SLC38A11: variants seen among roughly 807,000 people sequenced by gnomAD.
The protein encoded by SLC38A11 is solute carrier family 38 member 11.
In SLC38A11, 51 loss-of-function variants were observed where a neutral mutation model predicts 49.4. The observed-to-expected ratio is 1.03, with a 90% CI of 0.83 to 1.30. The LOEUF is 1.30. Ranked by LOEUF, SLC38A11 falls within the 50% of genes most tolerant of loss-of-function variation. The pLI is 0.00. For missense variants in SLC38A11, 574 were observed against 556.2 expected (o/e 1.03, Z -0.32); for synonymous variants, 203 against 192.9 (o/e 1.05, Z -0.43).
intron 11 of SLC38A11, among the ~76,000 whole-genome samples, chr2:164,904,698 A>G (rs1684878702): frequency 6.6e-6 from 1 of 152,158 alleles, no homozygotes; most frequent in Admixed American, 6.5e-5. Context: ...TTAAGACAAA[A>G]ACTTTTCAGT....
In SLC38A11 at chr2:164,955,441, T is replaced by A; in HGVS notation, c.-194A>T. On this transcript the variant is annotated 5_prime_UTR_variant, in exon 1 of 12. Transcript: ENST00000685975. ...CTGCAGCCCCAAGATCTCTAGGCTG[T>A]GGCAGCCTGGGGCGCTTTTCCACCG... 1.8e-6 allele frequency: 1 copy of A among 565,168 alleles called. No individual in the cohort carries two copies. The highest frequency in any genetic ancestry group is 3.2e-6 in the Non-Finnish European group (1 of 317,312). 35.0% of individuals were successfully genotyped at this position (565,168 alleles called of 1,614,324 possible). A position where few individuals can be genotyped will look rare whatever the true frequency, so the allele number is the denominator to read the frequency against.
At chr2:164,940,228 TTATATATATATATA>T in intron 5 of SLC38A11, among the ~76,000 whole-genome samples, 1 of 142,222 alleles carries the variant, frequency 7.0e-6, no homozygotes, top group East Asian at 2.0e-4. Context: ...ATAGAAAATT[TTATATATATATATA>T]TATATATATA....
intron 11 of SLC38A11, among the ~76,000 whole-genome samples, chr2:164,902,108 A>G (rs1684693546): frequency 1.4e-5 from 2 of 146,928 alleles, no homozygotes; most frequent in African/African-American, 5.0e-5. Context: ...ATCACAGTTC[A>G]GCTTTGATCT....
At chr2:164,907,582 C>T (rs1429017786) in intron 11 of SLC38A11, among the ~76,000 whole-genome samples, 1 of 152,096 alleles carries the variant, frequency 6.6e-6, no homozygotes, top group Non-Finnish European at 1.5e-5. Context: ...TCTTCATCAC[C>T]TATATTGCAG....
intron 2 of SLC38A11, among the ~76,000 whole-genome samples, 160 bp downstream of exon 2, chr2:164,954,471 T>G (rs982792147): frequency 6.6e-6 from 1 of 152,212 alleles, no homozygotes; most frequent in Non-Finnish European, 1.5e-5. Context: ...GCATACATAC[T>G]GTTACACTAG....
chr2:164,935,334 T>C (rs1404061444), intron 7 of SLC38A11, among the ~76,000 whole-genome samples: 4 of 151,762 alleles, frequency 2.6e-5, no homozygotes, highest in Non-Finnish European at 5.9e-5. Flanking sequence ...CTAAAGTGAA[T>C]GAATAAATGG....
At chr2:164,908,803 C>A (rs1410749188) in intron 10 of SLC38A11, 32 bp from the exon 11 acceptor site, 1 of 1,582,790 alleles carries the variant, frequency 6.3e-7, no homozygotes, top group South Asian at 1.2e-5. Flanking sequence ...TTGAGAGGGA[C>A]TTTTAAAGGC....
At chr2:164,952,986 C>A in intron 2 of SLC38A11, 1 of 491,674 alleles carries the variant, frequency 2.0e-6, no homozygotes, top group Non-Finnish European at 3.6e-6. Context: ...AGCTTAGGGA[C>A]AAGTTAAGAG....
chr2:164,943,586 G>A (rs867674065), intron 5 of SLC38A11, among the ~76,000 whole-genome samples: 11 of 152,264 alleles, frequency 7.2e-5, no homozygotes, highest in Middle Eastern at 3.4e-3. Context: ...GTTGGAAGAG[G>A]GAGCTGGAGA....
chr2:164,904,881 C>T (rs1441025488), intron 11 of SLC38A11, among the ~76,000 whole-genome samples: 2 of 152,064 alleles, frequency 1.3e-5, no homozygotes, highest in South Asian at 2.1e-4. Flanking sequence ...AAATCTTATG[C>T]TTAGGAAATC....
intron 3 of SLC38A11, among the ~76,000 whole-genome samples, chr2:164,947,113 A>ATC (rs1688165792): frequency 1.0e-3 from 46 of 45,916 alleles, no homozygotes; most frequent in Non-Finnish European, 1.5e-3. Flanking sequence ...GGACTTTTTT[A>ATC]TCTCTTTTTT....
At chr2:164,952,591 A>G in intron 3 of SLC38A11, 116 bp downstream of exon 3, 1 of 751,122 alleles carries the variant, frequency 1.3e-6, no homozygotes, top group Non-Finnish European at 2.4e-6. Flanking sequence ...GGATTCTTTG[A>G]TGCACTTTTT....
Position 164,944,609 on chromosome 2 carries a change from A to C in SLC38A11, c.390T>G (p.Ala130=). The C allele has an allele frequency of 7.5e-7, 1 of 1,340,846 alleles. No individual in the cohort carries two copies. The highest frequency in any genetic ancestry group is 2.3e-5 in the South Asian group (1 of 43,592). The allele number at this position is 1,340,846 out of a possible 1,614,324, so 83.1% of individuals were successfully genotyped here. A position where few individuals can be genotyped will look rare whatever the true frequency, so the allele number is the denominator to read the frequency against. Residue 130 remains alanine (A), a synonymous_variant, in exon 5 of 12, where the codon GCT becomes GCG. Transcript: ENST00000685975. ...FIAMISYNII[A]GDTLSKVFQR... ...GAAAAACTTTGCTCAAAGTATCTCC[A>C]GCTATTATATTGTAACTTATCATTG...
In SLC38A11 at chr2:164,896,486, G is replaced by A. The variant is rs1684378718; in HGVS notation, c.*1951C>T. The A allele has an allele frequency of 6.6e-6, 1 of 152,034 alleles. No homozygotes were observed. Among genetic ancestry groups the A allele is most frequent in the South Asian group, 2.1e-4 (1 of 4,820 alleles). 9.4% of individuals were successfully genotyped at this position (152,034 alleles called of 1,614,324 possible). A position where few individuals can be genotyped will look rare whatever the true frequency, so the allele number is the denominator to read the frequency against. On this transcript the variant is annotated 3_prime_UTR_variant, in exon 12 of 12. Coordinates refer to ENST00000685975, the MANE Select transcript of SLC38A11 (RefSeq NM_001351537.2). ...CCTCATGACTTTATTTAATAATTAT[G>A]TAGGTCAGTGTTTCTCAGTCTTGAG...
Position 164,898,066 on chromosome 2 carries a change from A to ACCCCCCCCCCC in SLC38A11, c.*370_*371insGGGGGGGGGGG, listed in dbSNP as rs145219043. On this transcript the variant is annotated 3_prime_UTR_variant, in exon 12 of 12. Transcript: ENST00000685975. ...GACAAAGAAAATGCCCACCCCCCAC[A>ACCCCCCCCCCC]CCCCCCCACCAAAAGACATCTACAC... is the stretch of plus-strand genomic sequence containing the variant. 8.8e-6 allele frequency: 1 copy of ACCCCCCCCCCC among 113,282 alleles called. No individual in the cohort carries two copies. 7.0% of individuals were successfully genotyped at this position (113,282 alleles called of 1,614,324 possible).
intron 7 of SLC38A11, among the ~76,000 whole-genome samples, chr2:164,924,629 T>C (rs971488082): frequency 2.0e-5 from 3 of 152,128 alleles, no homozygotes; most frequent in African/African-American, 7.2e-5. Flanking sequence ...TAAACCAAAA[T>C]AAACTCTTCA....
chr2:164,947,354 A>G (rs1688205362), intron 3 of SLC38A11, among the ~76,000 whole-genome samples: 1 of 150,906 alleles, frequency 6.6e-6, no homozygotes, highest in African/African-American at 2.4e-5. Context: ...ATGGTCTCGA[A>G]CTCCTGACCT....
Position 164,898,440 on chromosome 2 carries a change from T to C in SLC38A11, c.1386A>G (p.Gln462=), listed in dbSNP as rs1684440963. The change falls in exon 12 of 12, where the codon CAA becomes CAG. Residue 462 remains glutamine, a synonymous_variant. Transcript: ENST00000685975. ...ACATATTTTTAAAGCAGTCAACTCA[T>C]TGAAAGATACTAATATTTAAAGTAG... ...QLSTLNISIF[Q] is the part of the protein sequence containing the mutation. 6.2e-7 allele frequency: 1 copy of C among 1,605,914 alleles called. No individual in the cohort carries two copies. The highest frequency in any genetic ancestry group is 8.5e-7 in the Non-Finnish European group (1 of 1,173,528).
intron 3 of SLC38A11, among the ~76,000 whole-genome samples, chr2:164,950,552 A>G (rs1688452143): frequency 6.6e-6 from 1 of 152,172 alleles, no homozygotes; most frequent in South Asian, 2.1e-4. Context: ...CCCTTTGAAT[A>G]TATTGTATGC....
Sources: allele counts gnomAD v4.1 joint callset (sites outside exome capture counted in the v4.1 genomes callset), GRCh38; gene constraint gnomAD v4.1.1; transcripts MANE v1.5; gene names NCBI Gene and HGNC (gene_info 2026-07-23, HGNC 2026-07-21).